ASIC2: variants seen among roughly 807,000 people sequenced by gnomAD.
ASIC2 encodes acid-sensing ion channel 2.
In ASIC2, 25 loss-of-function variants were observed where a neutral mutation model predicts 57.3. The ratio of observed to expected loss-of-function variants is 0.44; its 90% confidence interval spans 0.32 to 0.61. ASIC2 has a LOEUF of 0.61. Among genes scored for constraint, ASIC2 ranks in the 20% least tolerant of loss-of-function variants. The pLI is 0.06. For synonymous variants in ASIC2, 319 were observed against 307.5 expected (o/e 1.04, Z -0.39); for missense variants, 641 against 738.1 (o/e 0.87, Z 1.52).
intron 2 of ASIC2, among the ~76,000 whole-genome samples, chr17:33,110,385 G>A (rs1044200065): frequency 2.0e-5 from 3 of 152,090 alleles, no homozygotes; most frequent in Non-Finnish European, 4.4e-5. Context: ...AGATCAGAAC[G>A]GACACAAACC....
At chr17:33,202,528 G>A (rs549316854) in intron 1 of ASIC2, among the ~76,000 whole-genome samples, 3 of 152,268 alleles carry the variant, frequency 2.0e-5, no homozygotes, top group Non-Finnish European at 4.4e-5. Context: ...AGCACCTCCC[G>A]TGGGGGTCCA....
chr17:33,228,537 T>G (rs1306352172), intron 1 of ASIC2, among the ~76,000 whole-genome samples: 1 of 152,230 alleles, frequency 6.6e-6, no homozygotes, highest in Non-Finnish European at 1.5e-5. Flanking sequence ...AGACACATGA[T>G]AGCCACACAA....
chr17:33,092,727 A>G (rs1419379239), intron 2 of ASIC2, among the ~76,000 whole-genome samples: 2 of 152,250 alleles, frequency 1.3e-5, no homozygotes, highest in Admixed American at 1.3e-4. Context: ...CTACTCCACC[A>G]GGAGTGTGGT....
chr17:33,464,430 T>C (rs1912741261), intron 1 of ASIC2, among the ~76,000 whole-genome samples: 1 of 152,056 alleles, frequency 6.6e-6, no homozygotes, highest in Non-Finnish European at 1.5e-5. Flanking sequence ...TCCAGACTTC[T>C]ACATCATTCT....
intron 1 of ASIC2, among the ~76,000 whole-genome samples, chr17:33,868,936 A>C (rs1427166376): frequency 6.6e-6 from 1 of 152,146 alleles, no homozygotes; most frequent in Admixed American, 6.6e-5. Flanking sequence ...ATGATGGTGC[A>C]TGCCTGTAGT....
In ASIC2 at chr17:33,240,660, T is replaced by C. The variant is rs190176497; in HGVS notation, c.708+50748A>G. Among the ~76,000 whole-genome samples the C allele has an allele frequency of 1.2e-4, 19 of 152,278 alleles. No individual in the cohort carries two copies. The East Asian group carries it at 3.7e-3, about 29-fold the overall frequency. ...AACAGGCAACGAGAGGCTGTCAGCA[T>C]CCCTACCCCAGGCAGCCAGGAGCGG... On this transcript the variant is annotated intron_variant, in intron 1 of 9. Coordinates refer to ENST00000225823, the MANE Select transcript of ASIC2 (RefSeq NM_183377.2).
intron 1 of ASIC2, among the ~76,000 whole-genome samples, chr17:33,238,012 C>T (rs1374487632): frequency 2.0e-5 from 3 of 152,178 alleles, no homozygotes; most frequent in Admixed American, 6.5e-5. Flanking sequence ...ATTTTACAAA[C>T]GACGAAACAG....
chr17:33,976,108 G>C (rs1905375412), intron 1 of ASIC2, among the ~76,000 whole-genome samples: 1 of 149,550 alleles, frequency 6.7e-6, no homozygotes. Flanking sequence ...AGCCTTCCCT[G>C]GTCTCCTTAT....
chr17:33,823,967 G>T (rs1912830129), intron 1 of ASIC2, among the ~76,000 whole-genome samples: 2 of 152,190 alleles, frequency 1.3e-5, no homozygotes, highest in Non-Finnish European at 2.9e-5. Context: ...ATAACCAGCT[G>T]CAGGGGGCTA....
chr17:33,507,735 C>G (rs1180918460), intron 1 of ASIC2, among the ~76,000 whole-genome samples: 2 of 152,096 alleles, frequency 1.3e-5, no homozygotes, highest in African/African-American at 4.8e-5. Context: ...AACCCCATCT[C>G]TACTAAAAAT....
intron 1 of ASIC2, among the ~76,000 whole-genome samples, chr17:33,673,766 AAAG>A (rs576099446): frequency 8.2e-4 from 125 of 152,286 alleles, no homozygotes; most frequent in African/African-American, 3.0e-3. Context: ...TTCAATATCC[AAAG>A]AAGTGGCTCC....
At chr17:34,144,373 G>T (rs1170045473) in intron 1 of ASIC2, among the ~76,000 whole-genome samples, 1 of 152,156 alleles carries the variant, frequency 6.6e-6, no homozygotes, top group Non-Finnish European at 1.5e-5. Flanking sequence ...AGCAGGAGCT[G>T]GGTCCCTGGC....
chr17:33,041,378 G>A (rs1309895834), intron 3 of ASIC2, among the ~76,000 whole-genome samples: 1 of 152,180 alleles, frequency 6.6e-6, no homozygotes, highest in East Asian at 1.9e-4. Context: ...GCAGTATGGT[G>A]GCTGGTCTCT....
intron 1 of ASIC2, among the ~76,000 whole-genome samples, chr17:33,350,692 A>AAAGAAAGAAAGAAAGAAAGAAAGAAAGG (rs1908131766): frequency 6.6e-6 from 1 of 151,232 alleles, no homozygotes; most frequent in Non-Finnish European, 1.5e-5. Context: ...AAAAAAAAAG[A>AAAGAAAGAAAGAAAGAAAGAAAGAAAGG]AAGAAAGAAA....
Position 33,452,738 on chromosome 17 carries a change from GGTGTGT to G in ASIC2, c.556-340677_556-340672del, listed in dbSNP as rs35126239. On this transcript the variant is annotated intron_variant, in intron 1 of 9. Transcript: ENST00000359872. ...GTTTTCTTTGTTTGGAACAGAGTGG[GGTGTGT>G]GTGTGTGTGTGTGTGTGTGTGTGTG... Among the ~76,000 whole-genome samples the G allele has an allele frequency of 3.9e-4, 55 of 140,508 alleles. 1 individual carries two copies. In the Middle Eastern group the frequency reaches 0.014, roughly 37 times the overall value. 92.2% of individuals were successfully genotyped at this position (140,508 alleles called of 152,430 possible). A position where few individuals can be genotyped will look rare whatever the true frequency, so the allele number is the denominator to read the frequency against.
At chr17:33,545,727 G>A (rs1348427033) in intron 1 of ASIC2, among the ~76,000 whole-genome samples, 1 of 152,026 alleles carries the variant, frequency 6.6e-6, no homozygotes, top group African/African-American at 2.4e-5. Context: ...ATTATTCCCA[G>A]AGTAATCTTG....
chr17:33,416,729 G>A (rs1396672568), intron 1 of ASIC2, among the ~76,000 whole-genome samples: 7 of 152,176 alleles, frequency 4.6e-5, no homozygotes, highest in Non-Finnish European at 8.8e-5. Context: ...CTGACTCTAG[G>A]GGACCTAGGT....
intron 3 of ASIC2, among the ~76,000 whole-genome samples, chr17:33,087,134 T>G (rs1042434298): frequency 9.2e-5 from 14 of 152,204 alleles, no homozygotes; most frequent in African/African-American, 3.1e-4. Context: ...GGCTAGTAGC[T>G]CAGGCTCTCA....
rs137867283 is a variant in ASIC2, at chr17:33,521,156, G to A, written c.556-409089C>T. ...GGTCTCGGGACTTGGGACTCAGGCT[G>A]GGCTGGGTCCACACAGCACTTTGCC... On this transcript the variant is annotated intron_variant, in intron 1 of 9. Coordinates refer to the ASIC2 transcript ENST00000359872. 5.9e-5 allele frequency among the ~76,000 whole-genome samples: 9 copies of A among 152,282 alleles called. No homozygotes were observed. In the East Asian group the frequency reaches 1.5e-3, roughly 26 times the overall value.
Sources: gnomAD v4.1 joint callset for allele counts (sites outside exome capture counted in the v4.1 genomes callset) on GRCh38, gnomAD v4.1.1 for gene constraint, MANE v1.5 for transcripts, NCBI Gene and HGNC (gene_info 2026-07-23, HGNC 2026-07-21) for gene names.